Variants in SPATS2L observed in about 807,000 individuals in gnomAD.
SPATS2L encodes the protein SPATS2-like protein.
Under a neutral mutation model 59.6 loss-of-function variants are expected in SPATS2L, and 30 were observed. That is an observed-to-expected ratio of 0.50 (90% confidence interval 0.38 to 0.68). The LOEUF (loss-of-function observed/expected upper bound fraction) is 0.68, where lower values mean the gene tolerates loss of function less well. Among genes scored for constraint, SPATS2L ranks in the 30% least tolerant of loss-of-function variants. SPATS2L has a pLI of 0.00. For synonymous variants in SPATS2L, 252 were observed against 263.5 expected (o/e 0.96, Z 0.42); for missense variants, 615 against 700.0 (o/e 0.88, Z 1.37).
chr2:200,481,280 G>A lies in SPATS2L; in HGVS notation c.*3249G>A, dbSNP rs997612905. The A allele has an allele frequency of 2.6e-5, 4 of 152,166 alleles. No individual in the cohort carries two copies. Among genetic ancestry groups the A allele is most frequent in the African/African-American group, 2.4e-5 (1 of 41,418 alleles). The allele number at this position is 152,166 out of a possible 1,614,324, so 9.4% of individuals were successfully genotyped here. A position where few individuals can be genotyped will look rare whatever the true frequency, so the allele number is the denominator to read the frequency against. On this transcript the variant is annotated 3_prime_UTR_variant, in exon 13 of 13. Transcript: ENST00000409140. ...GGAGATTCTAATTAAACATTCTTAG[G>A]GAAGGACATCAAATGAGGTTAATGG...
chr2:200,417,754 A>C (rs1286794793), intron 5 of SPATS2L, among the ~76,000 whole-genome samples: 2 of 152,186 alleles, frequency 1.3e-5, no homozygotes, highest in Non-Finnish European at 2.9e-5. Context: ...CCAAAGGAAA[A>C]AAGCAGGGAG....
chr2:200,480,052 G>A lies in SPATS2L; in HGVS notation c.*2021G>A, dbSNP rs1306232428. ...AGGATTTTGCACAGTTTTTTATGTAGCAAGATTTTGCTCACCACTGAAAAA... is the reference window on the plus strand; with the variant it reads ...AGGATTTTGCACAGTTTTTTATGTAACAAGATTTTGCTCACCACTGAAAAA... On this transcript the variant is annotated 3_prime_UTR_variant, in exon 13 of 13. Transcript: ENST00000409140. 7.8e-6 allele frequency: 2 copies of A among 257,370 alleles called. No individual in the cohort carries two copies. Among genetic ancestry groups the A allele is most frequent in the Admixed American group, 1.1e-4 (2 of 18,294 alleles). The allele number at this position is 257,370 out of a possible 1,614,324, so 15.9% of individuals were successfully genotyped here.
intron 1 of SPATS2L, among the ~76,000 whole-genome samples, chr2:200,320,863 G>A (rs1011498948): frequency 9.9e-5 from 15 of 151,764 alleles, no homozygotes; most frequent in Non-Finnish European, 7.4e-5. Context: ...GGACTAGATA[G>A]AAAAAATAAT....
chr2:200,384,627 C>T, intron 2 of SPATS2L, among the ~76,000 whole-genome samples: 1 of 152,212 alleles, frequency 6.6e-6, no homozygotes, highest in Non-Finnish European at 1.5e-5. Flanking sequence ...GCTGGGATTA[C>T]AGACGTGAGC....
At chr2:200,423,672 GC>G (rs764699143) in intron 6 of SPATS2L, among the ~76,000 whole-genome samples, 16 of 152,156 alleles carry the variant, frequency 1.1e-4, no homozygotes, top group Non-Finnish European at 2.2e-4. Flanking sequence ...GATATTCTGT[GC>G]TTGAGTGAGT....
intron 8 of SPATS2L, among the ~76,000 whole-genome samples, chr2:200,446,558 G>T (rs758892709): frequency 1.3e-5 from 2 of 152,106 alleles, no homozygotes; most frequent in Non-Finnish European, 2.9e-5. Context: ...GCTGCTAACC[G>T]TCTCTCCCAC....
intron 1 of SPATS2L, among the ~76,000 whole-genome samples, chr2:200,324,602 A>G (rs1000679350): frequency 9.9e-5 from 15 of 152,198 alleles, no homozygotes; most frequent in Admixed American, 3.3e-4. Flanking sequence ...TTGAAAGGAA[A>G]GAATGTGCAT....
intron 2 of SPATS2L, among the ~76,000 whole-genome samples, chr2:200,348,208 T>G (rs1243144358): frequency 6.6e-6 from 1 of 152,196 alleles, no homozygotes; most frequent in Non-Finnish European, 1.5e-5. Context: ...ACTAGTGTTC[T>G]GAGTTTAGAT....
chr2:200,456,992 C>T (rs147960399), intron 8 of SPATS2L, among the ~76,000 whole-genome samples: 16 of 152,172 alleles, frequency 1.1e-4, no homozygotes, highest in Admixed American at 4.6e-4. Context: ...CAAAGAATGT[C>T]GTCGTGCTGA....
chr2:200,335,044 G>A (rs1007246497), intron 2 of SPATS2L, among the ~76,000 whole-genome samples: 2 of 152,090 alleles, frequency 1.3e-5, no homozygotes, highest in African/African-American at 4.8e-5. Context: ...TTCCAATTCT[G>A]TGAAGAAAGT....
Position 200,331,834 on chromosome 2 carries a change from C to T in SPATS2L, c.-23+2354C>T, listed in dbSNP as rs529759837. Reference sequence around the variant, plus strand: ...TGGTAAGACAGTGGTCGACCAGAGGCAGATTTTGCTCGTACCACAGTATTG... The same window carrying T: ...TGGTAAGACAGTGGTCGACCAGAGGTAGATTTTGCTCGTACCACAGTATTG... On this transcript the variant is annotated intron_variant, in intron 2 of 12. Coordinates refer to ENST00000409140, the MANE Select transcript of SPATS2L (RefSeq NM_001100423.2). 8.5e-5 allele frequency among the ~76,000 whole-genome samples: 13 copies of T among 152,290 alleles called. No individual in the cohort carries two copies. In the South Asian group the frequency reaches 2.5e-3, roughly 29 times the overall value.
chr2:200,470,360 G>A (rs1471646053), intron 11 of SPATS2L, among the ~76,000 whole-genome samples: 2 of 152,228 alleles, frequency 1.3e-5, no homozygotes, highest in African/African-American at 4.8e-5. Context: ...GGCAGAGAGA[G>A]TGAGTCTTCC....
At chr2:200,400,751 A>G (rs1267156431) in intron 3 of SPATS2L, among the ~76,000 whole-genome samples, 1 of 152,212 alleles carries the variant, frequency 6.6e-6, no homozygotes, top group African/African-American at 2.4e-5. Context: ...CTAGGAATTA[A>G]AGAAGTTGTA....
intron 11 of SPATS2L, among the ~76,000 whole-genome samples, chr2:200,471,160 C>T (rs1179250752): frequency 2.6e-5 from 4 of 152,080 alleles, no homozygotes; most frequent in Admixed American, 6.5e-5. Flanking sequence ...AGCGAGACTC[C>T]ATCTCAAAAA....
chr2:200,417,884 A>G (rs1205680006), intron 5 of SPATS2L, among the ~76,000 whole-genome samples: 1 of 152,138 alleles, frequency 6.6e-6, no homozygotes, highest in Admixed American at 6.6e-5. Context: ...GGTCTTTCTT[A>G]TGGGTCGGCG....
At chr2:200,384,505 C>T (rs549687101) in intron 2 of SPATS2L, among the ~76,000 whole-genome samples, 3 of 152,198 alleles carry the variant, frequency 2.0e-5, no homozygotes, top group Non-Finnish European at 4.4e-5. Flanking sequence ...AGGCGCATGC[C>T]GCCATGCCGG....
At chr2:200,402,255 TC>T (rs779145509) in intron 3 of SPATS2L, among the ~76,000 whole-genome samples, 1 of 152,222 alleles carries the variant, frequency 6.6e-6, no homozygotes, top group Non-Finnish European at 1.5e-5. Context: ...TGAGTAAAGC[TC>T]TTCAATGGCT....
intron 9 of SPATS2L, among the ~76,000 whole-genome samples, chr2:200,460,562 G>C (rs899909099): frequency 6.6e-6 from 1 of 151,790 alleles, no homozygotes; most frequent in Non-Finnish European, 1.5e-5. Flanking sequence ...TGGCTAACAC[G>C]GTGAAACCCC....
At chr2:200,402,349 C>T (rs1006210610) in intron 3 of SPATS2L, among the ~76,000 whole-genome samples, 10 of 152,212 alleles carry the variant, frequency 6.6e-5, no homozygotes, top group Admixed American at 5.2e-4. Context: ...CCAGCATCAC[C>T]CACAGTCCCC....
Sources: allele counts gnomAD v4.1 joint callset (sites outside exome capture counted in the v4.1 genomes callset), GRCh38; gene constraint gnomAD v4.1.1; transcripts MANE v1.5; gene names NCBI Gene and HGNC (gene_info 2026-07-23, HGNC 2026-07-21).